PDZRN3: variants seen among roughly 807,000 people sequenced by gnomAD.
PDZRN3 encodes the protein E3 ubiquitin-protein ligase PDZRN3.
A neutral mutation model predicts 85.7 loss-of-function variants in PDZRN3; 38 were observed. That is an observed-to-expected ratio of 0.44 (90% CI 0.34 to 0.58). The LOEUF (loss-of-function observed/expected upper bound fraction) is 0.58. PDZRN3 is among the 20% of genes least tolerant of loss of function. The pLI, the probability that PDZRN3 is intolerant of heterozygous loss-of-function variation, is 0.01. For missense variants in PDZRN3, 1,629 were observed against 1,506.4 expected, an observed-to-expected ratio of 1.08 and a Z score of -1.35; for synonymous variants, 759 against 638.0, an observed-to-expected ratio of 1.19 and a Z score of -2.86.
rs72886004 is a variant in PDZRN3, at chr3:73,485,106, C to G, written c.919-80711G>C. Among the ~76,000 whole-genome samples, 965 of 152,154 alleles carry G rather than the reference C, an allele frequency of 6.3e-3. 8 individuals carry two copies. Among genetic ancestry groups the G allele is most frequent in the African/African-American group, 0.022 (899 of 41,504 alleles). On this transcript the variant is annotated intron_variant, in intron 3 of 9. Coordinates refer to ENST00000263666, the MANE Select transcript of PDZRN3 (RefSeq NM_015009.3). Reference sequence around the variant, plus strand: ...TGTAAAACAAGAAGAATGAAGATACCTGTCTCAAGACTGTTCTGAGCATGA... The same window carrying G: ...TGTAAAACAAGAAGAATGAAGATACGTGTCTCAAGACTGTTCTGAGCATGA...
intron 6 of PDZRN3, among the ~76,000 whole-genome samples, chr3:73,390,234 C>T (rs1041756967): frequency 6.6e-6 from 1 of 152,118 alleles, no homozygotes; most frequent in Non-Finnish European, 1.5e-5. Flanking sequence ...GGACTAGCAA[C>T]TATACCTTAT....
intron 3 of PDZRN3, among the ~76,000 whole-genome samples, chr3:73,413,952 T>C (rs1267157144): frequency 1.3e-5 from 2 of 152,174 alleles, no homozygotes; most frequent in Non-Finnish European, 2.9e-5. Context: ...AAAACACTAG[T>C]TGTGGATCTT....
intron 3 of PDZRN3, among the ~76,000 whole-genome samples, chr3:73,535,683 T>A (rs1474388151): frequency 6.6e-6 from 1 of 152,214 alleles, no homozygotes; most frequent in Non-Finnish European, 1.5e-5. Flanking sequence ...TCCATTTAGG[T>A]CCATAATTAG....
intron 1 of PDZRN3, among the ~76,000 whole-genome samples, chr3:73,614,091 T>A (rs1218449552): frequency 6.6e-6 from 1 of 152,196 alleles, no homozygotes; most frequent in Admixed American, 6.5e-5. Flanking sequence ...TGCTATCATA[T>A]TTGAACATGT....
chr3:73,398,596 G>A (rs1342208910), intron 5 of PDZRN3, among the ~76,000 whole-genome samples: 1 of 152,214 alleles, frequency 6.6e-6, no homozygotes, highest in African/African-American at 2.4e-5. Flanking sequence ...CAGTTTCTGA[G>A]TGGCTCCCTC....
chr3:73,562,995 ATATATATATATATATATATTTTTT>A (rs1444475692), intron 3 of PDZRN3, among the ~76,000 whole-genome samples: 3 of 29,092 alleles, frequency 1.0e-4, no homozygotes, highest in Non-Finnish European at 1.9e-4. Flanking sequence ...ATATATATAT[ATATATATATATATATATATTTTTT>A]TTTTTTTTTT....
At chr3:73,551,677 A>C (rs1701558427) in intron 3 of PDZRN3, among the ~76,000 whole-genome samples, 1 of 135,802 alleles carries the variant, frequency 7.4e-6, no homozygotes, top group African/African-American at 2.8e-5. Context: ...CAACAGAGTG[A>C]GACCCTGTTT....
At chr3:73,417,467 T>A (rs1575638259) in intron 3 of PDZRN3, among the ~76,000 whole-genome samples, 1 of 152,348 alleles carries the variant, frequency 6.6e-6, no homozygotes, top group Non-Finnish European at 1.5e-5. Flanking sequence ...TACCATTTCA[T>A]TGCTTATCTA....
intron 3 of PDZRN3, among the ~76,000 whole-genome samples, chr3:73,586,133 A>G (rs1194772485): frequency 6.6e-6 from 1 of 152,228 alleles, no homozygotes; most frequent in East Asian, 1.9e-4. Flanking sequence ...TATATTTTTT[A>G]AAAAGAGCAA....
intron 3 of PDZRN3, among the ~76,000 whole-genome samples, chr3:73,421,322 C>T (rs1025200209): frequency 1.2e-4 from 18 of 152,150 alleles, no homozygotes; most frequent in African/African-American, 3.6e-4. Flanking sequence ...GAGACTCTTC[C>T]GGGGTCACTC....
chr3:73,462,497 T>C (rs534013802), intron 3 of PDZRN3, among the ~76,000 whole-genome samples: 4 of 148,138 alleles, frequency 2.7e-5, no homozygotes, highest in South Asian at 2.2e-4. Context: ...GTGAGTGAGA[T>C]TGCGCCACTG....
At chr3:73,520,509 G>GACA (rs149516346) in intron 3 of PDZRN3, among the ~76,000 whole-genome samples, 528 of 152,154 alleles carry the variant, frequency 3.5e-3, no homozygotes, top group Non-Finnish European at 5.8e-3. Flanking sequence ...CTGTGACAAC[G>GACA]ACAACAACAA....
intron 3 of PDZRN3, among the ~76,000 whole-genome samples, chr3:73,450,483 C>T (rs969348594): frequency 5.9e-5 from 9 of 152,184 alleles, no homozygotes; most frequent in East Asian, 1.9e-4. Flanking sequence ...AGGCCTATCA[C>T]GTAATCAGGC....
chr3:73,388,930 CAAAAAAA>C (rs10675308), intron 7 of PDZRN3, among the ~76,000 whole-genome samples: 5 of 67,686 alleles, frequency 7.4e-5, no homozygotes, highest in Non-Finnish European at 1.1e-4. Context: ...CTCCAGCAAT[CAAAAAAA>C]AAAAAAAAAA....
intron 3 of PDZRN3, among the ~76,000 whole-genome samples, chr3:73,577,009 A>C (rs1344156848): frequency 1.3e-5 from 2 of 152,224 alleles, no homozygotes; most frequent in Non-Finnish European, 2.9e-5. Context: ...CTTAATCTGC[A>C]ATGTGATGTG....
Position 73,519,334 on chromosome 3 carries a change from G to C in PDZRN3, c.918+83020C>G, listed in dbSNP as rs555112972. Among the ~76,000 whole-genome samples the C allele has an allele frequency of 9.8e-4, 150 of 152,348 alleles. 1 individual carries two copies. The highest frequency in any genetic ancestry group is 3.4e-3 in the African/African-American group (142 of 41,578). ...GAGGTTCAGTATGATGTGATTCATGGTAAGAGGAGGGGGAAATGCCAGCAC... is the reference window on the plus strand; with the variant it reads ...GAGGTTCAGTATGATGTGATTCATGCTAAGAGGAGGGGGAAATGCCAGCAC... On this transcript the variant is annotated intron_variant, in intron 3 of 9. Coordinates refer to ENST00000263666, the MANE Select transcript of PDZRN3 (RefSeq NM_015009.3).
intron 2 of PDZRN3, among the ~76,000 whole-genome samples, chr3:73,607,998 C>T (rs925331229): frequency 1.2e-4 from 18 of 152,322 alleles, no homozygotes; most frequent in African/African-American, 4.3e-4. Context: ...TTCTGAAACA[C>T]ATCCACTGCT....
At chr3:73,584,457 GTGTGTGTGTGTGT>G (rs1702249042) in intron 3 of PDZRN3, among the ~76,000 whole-genome samples, 1 of 52,792 alleles carries the variant, frequency 1.9e-5, no homozygotes, top group Admixed American at 1.6e-4. Flanking sequence ...TTAATGGTGT[GTGTGTGTGTGTGT>G]GTGTGTGTGT....
At chr3:73,610,410 T>A (rs1702665181) in intron 1 of PDZRN3, among the ~76,000 whole-genome samples, 1 of 152,220 alleles carries the variant, frequency 6.6e-6, no homozygotes, top group African/African-American at 2.4e-5. Flanking sequence ...TATCCCTCTT[T>A]ATAACCAATT....
Sources: allele counts gnomAD v4.1 joint callset (sites outside exome capture counted in the v4.1 genomes callset), GRCh38; gene constraint gnomAD v4.1.1; transcripts MANE v1.5; gene names NCBI Gene and HGNC (gene_info 2026-07-23, HGNC 2026-07-21).